SPATS1: variants seen among roughly 807,000 people sequenced by gnomAD.
The protein encoded by SPATS1 is spermatogenesis-associated serine-rich protein 1.
In SPATS1, 23 loss-of-function variants were observed where a neutral mutation model predicts 33.6. That is an observed-to-expected ratio of 0.68 (90% CI 0.49 to 0.97). The LOEUF is 0.97. Ranked by LOEUF, SPATS1 falls within the 50% of genes least tolerant of loss-of-function variation. The pLI, the probability that SPATS1 is intolerant of heterozygous loss-of-function variation, is 0.00. For synonymous variants in SPATS1, 131 were observed against 125.6 expected (o/e 1.04, Z -0.29); for missense variants, 327 against 361.0 (o/e 0.91, Z 0.76).
intron 2 of SPATS1, among the ~76,000 whole-genome samples, chr6:44,344,829 C>T (rs537950362): frequency 6.6e-6 from 1 of 152,274 alleles, no homozygotes; most frequent in South Asian, 2.1e-4. Context: ...TTAATTACAT[C>T]ATTTCTTCTT....
At chr6:44,372,252 C>T (rs1310435327) in intron 7 of SPATS1, among the ~76,000 whole-genome samples, 1 of 80,652 alleles carries the variant, frequency 1.2e-5, no homozygotes, top group South Asian at 4.2e-4. Flanking sequence ...GACTCCATCT[C>T]AAAAAAAAAA....
chr6:44,347,372 A>G (rs76606797), intron 2 of SPATS1, among the ~76,000 whole-genome samples: 2 of 11,028 alleles, frequency 1.8e-4, no homozygotes, highest in Non-Finnish European at 5.6e-4. Flanking sequence ...TTAAAGTATA[A>G]AAAAAAAGCT....
rs141936435 is a variant in SPATS1, at chr6:44,360,559, A to C, written c.401A>C (p.Lys134Thr). 144 of 1,614,172 alleles carry C rather than the reference A, an allele frequency of 8.9e-5. No homozygotes were observed. The African/African-American group carries it at 1.7e-3, about 19-fold the overall frequency. ...TATCCTGAGGAATTCAGCCTGCTTA[A>C]GTTGCAGACGAGTAAGTCACAGACC... ...DKYPEEFSLLKLQTKDGHRPE... is the reference protein window; with the variant it reads ...DKYPEEFSLLTLQTKDGHRPE... The change falls in exon 4 of 9, where the codon AAG (lysine) becomes ACG (threonine). Residue 134 changes from lysine to threonine, a missense_variant. Transcript: ENST00000674044.
chr6:44,373,769 A>AAAATTATAG (rs1789768507), intron 7 of SPATS1, among the ~76,000 whole-genome samples: 3 of 152,238 alleles, frequency 2.0e-5, no homozygotes. Context: ...CTTATTGAAA[A>AAAATTATAG]GGTCCCTATA....
At chr6:44,359,761 G>A (rs1463825500) in intron 3 of SPATS1, among the ~76,000 whole-genome samples, 2 of 151,890 alleles carry the variant, frequency 1.3e-5, no homozygotes, top group African/African-American at 4.8e-5. Flanking sequence ...GTAGTGATGG[G>A]GTGTCTCCAT....
intron 2 of SPATS1, among the ~76,000 whole-genome samples, chr6:44,344,461 C>T (rs1339002405): frequency 6.6e-6 from 1 of 151,060 alleles, no homozygotes; most frequent in Non-Finnish European, 1.5e-5. Context: ...TTCATTACTG[C>T]TCATGGGGGA....
chr6:44,357,800 T>C (rs1010146873), intron 3 of SPATS1, among the ~76,000 whole-genome samples: 1 of 152,228 alleles, frequency 6.6e-6, no homozygotes, highest in Non-Finnish European at 1.5e-5. Flanking sequence ...ACCATCATCT[T>C]ACTTATCTCC....
intron 5 of SPATS1, among the ~76,000 whole-genome samples, chr6:44,365,370 C>T (rs1254189635): frequency 6.6e-6 from 1 of 152,114 alleles, no homozygotes; most frequent in African/African-American, 2.4e-5. Context: ...CACAGTACAG[C>T]ATATTGTATT....
At chr6:44,353,088 G>A (rs1020364450) in intron 3 of SPATS1, among the ~76,000 whole-genome samples, 12 of 152,220 alleles carry the variant, frequency 7.9e-5, no homozygotes, top group African/African-American at 2.9e-4. Flanking sequence ...GTAAAATGCT[G>A]ATGATAGCTT....
At chr6:44,351,720 C>T (rs1164402160) in intron 2 of SPATS1, among the ~76,000 whole-genome samples, 1 of 152,156 alleles carries the variant, frequency 6.6e-6, no homozygotes, top group Non-Finnish European at 1.5e-5. Flanking sequence ...CTGACACTCA[C>T]TGGTTTTCAG....
chr6:44,353,732 G>GA (rs1294750856), intron 3 of SPATS1, among the ~76,000 whole-genome samples: 16 of 152,168 alleles, frequency 1.1e-4, no homozygotes, highest in African/African-American at 3.4e-4. Flanking sequence ...AACAGATGAA[G>GA]ACAGTATTGA....
chr6:44,376,352 C>T lies in SPATS1; in HGVS notation c.759-6C>T. On this transcript the variant is annotated splice_polypyrimidine_tract_variant and splice_region_variant and intron_variant, in intron 7 of 8. Transcript: ENST00000674044. The stretch of plus-strand genomic sequence containing the variant: ...TACAACTCAGGGTGTTGTCTTCTTC[C>T]CACAGCTTGCCTTTCTGGGTGAAGG... 2 of 1,605,214 alleles carry T rather than the reference C, an allele frequency of 1.2e-6. No homozygotes were observed. The highest frequency in any genetic ancestry group is 1.7e-6 in the Non-Finnish European group (2 of 1,173,808).
At chr6:44,368,948 G>A (rs576200642) in intron 6 of SPATS1, among the ~76,000 whole-genome samples, 1 of 149,724 alleles carries the variant, frequency 6.7e-6, no homozygotes, top group African/African-American at 2.5e-5. Context: ...CCTGGCTGGA[G>A]TGCAGTGGTG....
intron 5 of SPATS1, among the ~76,000 whole-genome samples, chr6:44,366,766 T>C (rs1169393478): frequency 6.6e-6 from 1 of 152,208 alleles, no homozygotes; most frequent in African/African-American, 2.4e-5. Flanking sequence ...GGGGTATTAG[T>C]CCAGTTCTGA....
intron 2 of SPATS1, among the ~76,000 whole-genome samples, chr6:44,352,045 G>T (rs1788274869): frequency 6.6e-6 from 1 of 152,208 alleles, no homozygotes; most frequent in Admixed American, 6.5e-5. Context: ...TGAACTATAT[G>T]TAGGGGCAAG....
At chr6:44,350,356 G>A (rs1048945349) in intron 2 of SPATS1, among the ~76,000 whole-genome samples, 2 of 152,232 alleles carry the variant, frequency 1.3e-5, no homozygotes, top group African/African-American at 4.8e-5. Flanking sequence ...ACTGCCAAAC[G>A]TGAGCCTAAA....
intron 2 of SPATS1, among the ~76,000 whole-genome samples, chr6:44,350,586 C>A (rs1273282785): frequency 1.3e-5 from 2 of 152,136 alleles, no homozygotes; most frequent in African/African-American, 4.8e-5. Context: ...GAACTTTAAG[C>A]TTTGTAGAGT....
At chr6:44,353,007 G>A in intron 3 of SPATS1, 134 bp downstream of exon 3, 2 of 907,782 alleles carry the variant, frequency 2.2e-6, no homozygotes, top group Non-Finnish European at 3.3e-6. Context: ...TCAAATCCCG[G>A]TTCTGCCACT....
intron 3 of SPATS1, among the ~76,000 whole-genome samples, chr6:44,357,533 C>T (rs766936284): frequency 1.3e-5 from 2 of 152,128 alleles, no homozygotes; most frequent in Non-Finnish European, 2.9e-5. Context: ...CAGGTGCATG[C>T]CACCACACCT....
Sources: allele counts gnomAD v4.1 joint callset (sites outside exome capture counted in the v4.1 genomes callset), GRCh38; gene constraint gnomAD v4.1.1; transcripts MANE v1.5; gene names NCBI Gene and HGNC (gene_info 2026-07-23, HGNC 2026-07-21).